Variants in SAMHD1 observed in about 807,000 individuals in gnomAD.
SAMHD1 encodes the protein SAM and HD domain containing deoxynucleoside triphosphate triphosphohydrolase 1.
In SAMHD1, 54 loss-of-function variants were observed where a neutral mutation model predicts 79.6. The observed-to-expected ratio is 0.68, with a 90% CI of 0.55 to 0.85. The LOEUF (loss-of-function observed/expected upper bound fraction) is 0.85, where lower values mean the gene tolerates loss of function less well. Ranked by LOEUF, SAMHD1 falls within the 40% of genes least tolerant of loss-of-function variation. The pLI is 0.00. For synonymous variants in SAMHD1, 260 were observed against 264.1 expected (o/e 0.98, Z 0.15); for missense variants, 663 against 782.7 (o/e 0.85, Z 1.82).
intron 2 of SAMHD1, among the ~76,000 whole-genome samples, chr20:36,943,954 T>A (rs1358762695): frequency 6.3e-5 from 9 of 142,910 alleles, no homozygotes; most frequent in South Asian, 2.3e-4. Context: ...GGCACACACC[T>A]GTAGTCCCAG....
At chr20:36,920,700 T>G (rs1485148558) in intron 6 of SAMHD1, among the ~76,000 whole-genome samples, 1 of 149,780 alleles carries the variant, frequency 6.7e-6, no homozygotes, top group Non-Finnish European at 1.5e-5. Flanking sequence ...GAGGTGGAGG[T>G]TGCAGTGAGC....
intron 3 of SAMHD1, among the ~76,000 whole-genome samples, chr20:36,939,115 G>A (rs1286513263): frequency 7.2e-6 from 1 of 138,538 alleles, no homozygotes; most frequent in East Asian, 2.0e-4. Context: ...TTAACTGGGC[G>A]TGGTGGCAGG....
intron 9 of SAMHD1, among the ~76,000 whole-genome samples, chr20:36,915,112 G>C (rs957772808): frequency 2.0e-5 from 3 of 152,154 alleles, no homozygotes; most frequent in Non-Finnish European, 4.4e-5. Flanking sequence ...AGGAGACTGA[G>C]GTGGATGGGT....
chr20:36,908,254 ATTAT>A (rs1296683490), intron 11 of SAMHD1, among the ~76,000 whole-genome samples: 1 of 142,934 alleles, frequency 7.0e-6, no homozygotes, highest in Non-Finnish European at 1.6e-5. Flanking sequence ...CATTATTATT[ATTAT>A]TTGATACAGG....
chr20:36,949,126 T>A (rs910815466), intron 1 of SAMHD1, among the ~76,000 whole-genome samples: 11 of 150,320 alleles, frequency 7.3e-5, no homozygotes, highest in African/African-American at 2.4e-4. Flanking sequence ...TAGCCAGGCG[T>A]GGTGGCGTGC....
At chr20:36,926,249 A>T (rs2063535530) in intron 6 of SAMHD1, among the ~76,000 whole-genome samples, 1 of 151,912 alleles carries the variant, frequency 6.6e-6, no homozygotes, top group Non-Finnish European at 1.5e-5. Flanking sequence ...CGTAGGCGAT[A>T]AAAAAAAGGA....
intron 6 of SAMHD1, among the ~76,000 whole-genome samples, chr20:36,925,370 G>A (rs1374577057): frequency 6.6e-6 from 1 of 152,198 alleles, no homozygotes; most frequent in African/African-American, 2.4e-5. Context: ...AAACCAAGTG[G>A]ATGTTAGACC....
rs759706198 is a variant in SAMHD1, at chr20:36,941,058, AT to A, written c.328del (p.Ile110SerfsTer6). The A allele has an allele frequency of 1.4e-5, 22 of 1,613,488 alleles. No individual in the cohort carries two copies. Among genetic ancestry groups the A allele is most frequent in the Non-Finnish European group, 1.9e-5 (22 of 1,179,556 alleles). On this transcript the variant is annotated frameshift_variant, in exon 3 of 16. Transcript: ENST00000646673. LOFTEE classifies it high-confidence loss of function. The stretch of plus-strand genomic sequence containing the variant: ...TCTTACCTTCATTGTATCAACGTGG[AT>A]TTGAACCAATCGCTGGATATAACTA... ...LLSYIQRLVQ[I>X]HVDTMKVIND... is the part of the protein sequence containing the mutation.
At chr20:36,949,692 G>A (rs532346962) in intron 1 of SAMHD1, among the ~76,000 whole-genome samples, 2 of 146,774 alleles carry the variant, frequency 1.4e-5, no homozygotes, top group Admixed American at 7.0e-5. Context: ...GGCAGTTAGA[G>A]GTTGCACTGG....
chr20:36,890,054 C>G (rs1990023196), downstream of SAMHD1: 1 of 152,206 alleles, frequency 6.6e-6, no homozygotes. Flanking sequence ...CAGCGTCGTT[C>G]CTCCTCTGGC....
chr20:36,920,161 TAG>T (rs2063496518), intron 6 of SAMHD1, among the ~76,000 whole-genome samples: 1 of 152,184 alleles, frequency 6.6e-6, no homozygotes, highest in African/African-American at 2.4e-5. Context: ...TTGCCCTGGC[TAG>T]AGTCCAGTGA....
chr20:36,890,950 A>G lies in SAMHD1; in HGVS notation c.*1982T>C, dbSNP rs1234064976. ...GGACTACAGAATCTCAGAGTAAACC[A>G]CAATGATTTAAAGGTAAGATACACA... On this transcript the variant is annotated 3_prime_UTR_variant, in exon 16 of 16. Transcript: ENST00000646673. The G allele has an allele frequency of 6.6e-6, 1 of 152,244 alleles. No individual in the cohort carries two copies. Among genetic ancestry groups the G allele is most frequent in the East Asian group, 1.9e-4 (1 of 5,206 alleles). The allele number at this position is 152,244 out of a possible 1,614,324, so 9.4% of individuals were successfully genotyped here. A position where few individuals can be genotyped will look rare whatever the true frequency, so the allele number is the denominator to read the frequency against.
At position 36,951,675 on chromosome 20, in the gene SAMHD1, G is replaced by A. The variant is rs372657407; in HGVS notation, c.-32C>T. The A allele has an allele frequency of 1.2e-6, 2 of 1,611,036 alleles. No individual in the cohort carries two copies. Among genetic ancestry groups the A allele is most frequent in the Non-Finnish European group, 1.7e-6 (2 of 1,179,864 alleles). ...ACCTGGCGTCCGGCACAGCAGTCAA[G>A]AACCTCGGCGCCGGACCCGCGCGCA... is the stretch of plus-strand genomic sequence containing the variant. On this transcript the variant is annotated 5_prime_UTR_variant, in exon 1 of 16. Coordinates refer to ENST00000646673, the MANE Select transcript of SAMHD1 (RefSeq NM_015474.4).
At chr20:36,921,513 T>C (rs1395917735) in intron 6 of SAMHD1, among the ~76,000 whole-genome samples, 1 of 151,156 alleles carries the variant, frequency 6.6e-6, no homozygotes, top group Admixed American at 6.6e-5. Flanking sequence ...GCAGAATTAA[T>C]ATCATTGGTA....
chr20:36,929,140 G>C (rs1009405336), intron 5 of SAMHD1, among the ~76,000 whole-genome samples: 15 of 152,128 alleles, frequency 9.9e-5, no homozygotes, highest in African/African-American at 3.4e-4. Flanking sequence ...GCAAGTCACA[G>C]GCTACACATA....
chr20:36,944,888 C>A (rs1434146594), intron 2 of SAMHD1, among the ~76,000 whole-genome samples: 2 of 152,034 alleles, frequency 1.3e-5, no homozygotes, highest in Admixed American at 6.6e-5. Context: ...AAGCAAAACT[C>A]CGCTTCAAAA....
At chr20:36,947,404 A>G (rs1600395118) in intron 1 of SAMHD1, among the ~76,000 whole-genome samples, 2 of 49,934 alleles carry the variant, frequency 4.0e-5, no homozygotes, top group Admixed American at 2.5e-4. Flanking sequence ...GATTTGGAAG[A>G]GGTGTGTGTG....
intron 11 of SAMHD1, among the ~76,000 whole-genome samples, chr20:36,909,310 T>C (rs912855752): frequency 8.5e-5 from 13 of 152,118 alleles, no homozygotes; most frequent in Non-Finnish European, 1.5e-4. Flanking sequence ...CTAAGAACTC[T>C]GACTGGTGTA....
At chr20:36,923,132 C>G (rs993729133) in intron 6 of SAMHD1, among the ~76,000 whole-genome samples, 1 of 152,154 alleles carries the variant, frequency 6.6e-6, no homozygotes, top group African/African-American at 2.4e-5. Context: ...TCCTGAGTAG[C>G]TGGGACTACA....
Sources: gnomAD v4.1 joint callset for allele counts (sites outside exome capture counted in the v4.1 genomes callset) on GRCh38, gnomAD v4.1.1 for gene constraint, MANE v1.5 for transcripts, NCBI Gene and HGNC (gene_info 2026-07-23, HGNC 2026-07-21) for gene names.